SMARCB1: variants seen among roughly 807,000 people sequenced by gnomAD.
The protein encoded by SMARCB1 is SWI/SNF-related matrix-associated actin-dependent regulator of chromatin subfamily B member 1.
SMARCB1 carries 5 observed loss-of-function variants against 49.0 expected under a neutral mutation model. The ratio of observed to expected loss-of-function variants is 0.10; its 90% confidence interval spans 0.05 to 0.21. The LOEUF (loss-of-function observed/expected upper bound fraction) is 0.21, where lower values mean the gene tolerates loss of function less well. Ranked by LOEUF, SMARCB1 falls within the 10% of genes least tolerant of loss-of-function variation. The pLI is 1.00. For synonymous variants in SMARCB1, 201 were observed against 200.1 expected (o/e 1.00, Z -0.04); for missense variants, 226 against 509.2 (o/e 0.44, Z 5.35).
At chr22:23,827,847 A>G (rs1187753923) in intron 7 of SMARCB1, among the ~76,000 whole-genome samples, 2 of 151,314 alleles carry the variant, frequency 1.3e-5, no homozygotes, top group East Asian at 1.9e-4. Context: ...CCACTGTACC[A>G]CCCCACCCCA....
intron 6 of SMARCB1, among the ~76,000 whole-genome samples, chr22:23,822,941 GC>G (rs1333741805): frequency 8.0e-6 from 1 of 125,590 alleles, no homozygotes; most frequent in Non-Finnish European, 1.6e-5. Flanking sequence ...GTCTGTCAGT[GC>G]CCCCACCAGC....
intron 7 of SMARCB1, among the ~76,000 whole-genome samples, chr22:23,832,944 G>C (rs2030734511): frequency 6.6e-6 from 1 of 152,190 alleles, no homozygotes; most frequent in Middle Eastern, 3.4e-3. Flanking sequence ...GTGGTCCGGG[G>C]ATACGGCTTC....
At chr22:23,798,295 A>G (rs1928903007) in intron 3 of SMARCB1, among the ~76,000 whole-genome samples, 1 of 152,174 alleles carries the variant, frequency 6.6e-6, no homozygotes, top group African/African-American at 2.4e-5. Context: ...TGGGTGTTGT[A>G]GCTCACACCT....
intron 7 of SMARCB1, among the ~76,000 whole-genome samples, chr22:23,827,183 T>G (rs36046157): frequency 0.031 from 4,783 of 152,206 alleles, 132 homozygotes; most frequent in East Asian, 0.12. Flanking sequence ...GGCTCACAGG[T>G]GCAGGTGGTA....
At chr22:23,813,361 A>G (rs1333506633) in intron 5 of SMARCB1, among the ~76,000 whole-genome samples, 1 of 152,246 alleles carries the variant, frequency 6.6e-6, no homozygotes, top group African/African-American at 2.4e-5. Flanking sequence ...AGATGACATG[A>G]TTGTCCGTGT....
At position 23,835,157 on chromosome 22, in the gene SMARCB1, G is replaced by A; in HGVS notation, c.*977G>A. On this transcript the variant is annotated 3_prime_UTR_variant, in exon 9 of 9. Coordinates refer to ENST00000644036, the MANE Select transcript of SMARCB1 (RefSeq NM_003073.5). ...CAGCTCTTGGAGTTGACACGGTACA[G>A]GGAGGAGACACAGCCCAGGGTCCCT... is the stretch of plus-strand genomic sequence containing the variant. 1.5e-6 allele frequency: 2 copies of A among 1,321,962 alleles called. No homozygotes were observed. The highest frequency in any genetic ancestry group is 3.0e-5 in the East Asian group (1 of 33,840). The allele number at this position is 1,321,962 out of a possible 1,614,324, so 81.9% of individuals were successfully genotyped here.
chr22:23,817,230 C>T, intron 6 of SMARCB1: 1 of 530,574 alleles, frequency 1.9e-6, no homozygotes, highest in Non-Finnish European at 3.4e-6. Context: ...ATTGGCTGGG[C>T]CAGGCTGAGT....
chr22:23,832,684 G>C lies in SMARCB1; in HGVS notation c.987-888G>C, dbSNP rs545030544. On this transcript the variant is annotated intron_variant, in intron 7 of 8. Coordinates refer to ENST00000644036, the MANE Select transcript of SMARCB1 (RefSeq NM_003073.5). ...CAGAGGTGGGGGTGACGGGACCACTGCATGTGGGAGGCACACGGGCCCTGT... is the reference window on the plus strand; with the variant it reads ...CAGAGGTGGGGGTGACGGGACCACTCCATGTGGGAGGCACACGGGCCCTGT... 7.4e-4 allele frequency among the ~76,000 whole-genome samples: 112 copies of C among 152,356 alleles called. 2 individuals are homozygous for C. The South Asian group carries it at 0.023, about 31-fold the overall frequency.
chr22:23,803,594 G>T, intron 5 of SMARCB1, 172 bp downstream of exon 5: 1 of 770,874 alleles, frequency 1.3e-6, no homozygotes, highest in South Asian at 1.5e-5. Context: ...TTCTGTTGCT[G>T]TTCACTGTGG....
rs1215458229 is a variant in SMARCB1 at position 23,835,622 on chromosome 22, G to T, written c.*1442G>T. ...CCCAGAGCCCCATGCACAGCAAGGG[G>T]ACAGCTGGGCCTTACTGGAAGGCCT... On this transcript the variant is annotated 3_prime_UTR_variant, in exon 9 of 9. Coordinates refer to ENST00000644036, the MANE Select transcript of SMARCB1 (RefSeq NM_003073.5). The T allele has an allele frequency of 1.0e-6, 1 of 985,390 alleles. No homozygotes were observed. Among genetic ancestry groups the T allele is most frequent in the African/African-American group, 1.7e-5 (1 of 57,260 alleles). 61.0% of individuals were successfully genotyped at this position (985,390 alleles called of 1,614,324 possible). A position where few individuals can be genotyped will look rare whatever the true frequency, so the allele number is the denominator to read the frequency against.
chr22:23,829,756 G>A (rs2030562154), intron 7 of SMARCB1, among the ~76,000 whole-genome samples: 1 of 152,130 alleles, frequency 6.6e-6, no homozygotes, highest in African/African-American at 2.4e-5. Flanking sequence ...AGAGAGCTGT[G>A]TAACTATCAC....
chr22:23,837,314 TGAA>T lies in SMARCB1; in HGVS notation c.*3136_*3138del. ...CAGAGTGCCAGCCCCGGGTTGGCCG[TGAA>T]GGACAAGCTTAAAAGGCCCAGAAGC... On this transcript the variant is annotated 3_prime_UTR_variant, in exon 9 of 9. Transcript: ENST00000644036. 5.1e-6 allele frequency: 5 copies of T among 971,716 alleles called. No individual in the cohort carries two copies. Among genetic ancestry groups the T allele is most frequent in the Non-Finnish European group, 7.7e-6 (5 of 649,942 alleles). 60.2% of individuals were successfully genotyped at this position (971,716 alleles called of 1,614,324 possible).
rs374139862 is a variant in SMARCB1 at position 23,808,548 on chromosome 22, G to A, written c.628+5126G>A. On this transcript the variant is annotated intron_variant, in intron 5 of 8. Transcript: ENST00000644036. Reference sequence around the variant, plus strand: ...TGGGATTACAGGCGTGAGCCACTGCGCCCGGCCAAATGATGGTAGATTTCT... The same window carrying A: ...TGGGATTACAGGCGTGAGCCACTGCACCCGGCCAAATGATGGTAGATTTCT... 2.1e-4 allele frequency among the ~76,000 whole-genome samples: 32 copies of A among 152,262 alleles called. No homozygotes were observed. The East Asian group carries it at 2.1e-3, about 10-fold the overall frequency.
chr22:23,791,628 C>G, intron 1 of SMARCB1, 128 bp from the exon 2 acceptor site: 1 of 871,610 alleles, frequency 1.1e-6, no homozygotes, highest in Non-Finnish European at 1.9e-6. Flanking sequence ...TTAATGCTGC[C>G]GAAAGCGTGG....
At chr22:23,826,420 G>A (rs1260130003) in intron 7 of SMARCB1, among the ~76,000 whole-genome samples, 1 of 140,862 alleles carries the variant, frequency 7.1e-6, no homozygotes, top group Non-Finnish European at 1.5e-5. Flanking sequence ...GCGAGACCCT[G>A]TCTCCAAAAA....
chr22:23,787,470 A>C (rs908549112), intron 1 of SMARCB1, among the ~76,000 whole-genome samples: 2 of 151,778 alleles, frequency 1.3e-5, no homozygotes, highest in Non-Finnish European at 2.9e-5. Context: ...TATTTCGCCG[A>C]GGTCCGCCGC....
intron 5 of SMARCB1, among the ~76,000 whole-genome samples, chr22:23,812,711 T>C (rs1312969984): frequency 6.6e-6 from 1 of 152,086 alleles, no homozygotes; most frequent in Admixed American, 6.6e-5. Flanking sequence ...ATTAACACAC[T>C]AATGAAGAAA....
Position 23,835,006 on chromosome 22 carries a change from C to T in SMARCB1, c.*826C>T. 1 of 1,451,542 alleles carries T rather than the reference C, an allele frequency of 6.9e-7. No individual in the cohort carries two copies. The highest frequency in any genetic ancestry group is 9.1e-7 in the Non-Finnish European group (1 of 1,103,614). The allele number at this position is 1,451,542 out of a possible 1,614,324, so 89.9% of individuals were successfully genotyped here. ...TGGGTGCAGGAGGGCTGTTCTAGCT[C>T]CAGTGGCACCCATAGCCAGGTCAGC... On this transcript the variant is annotated 3_prime_UTR_variant, in exon 9 of 9. Coordinates refer to ENST00000644036, the MANE Select transcript of SMARCB1 (RefSeq NM_003073.5).
chr22:23,827,700 G>A (rs1400871988), intron 7 of SMARCB1, among the ~76,000 whole-genome samples: 1 of 152,198 alleles, frequency 6.6e-6, no homozygotes, highest in African/African-American at 2.4e-5. Context: ...CTGGGGAACT[G>A]GGAAGTGTCC....
Sources: allele counts gnomAD v4.1 joint callset (sites outside exome capture counted in the v4.1 genomes callset), GRCh38; gene constraint gnomAD v4.1.1; transcripts MANE v1.5; gene names NCBI Gene and HGNC (gene_info 2026-07-23, HGNC 2026-07-21).